Variants in FLNC observed in about 807,000 individuals in gnomAD.
The protein encoded by FLNC is filamin C.
In FLNC, 91 loss-of-function variants were observed where a neutral mutation model predicts 254.3. The ratio of observed to expected loss-of-function variants is 0.36; its 90% CI spans 0.30 to 0.43. The LOEUF (loss-of-function observed/expected upper bound fraction) is 0.43. Among genes scored for constraint, FLNC ranks in the 20% least tolerant of loss-of-function variants. The pLI, the probability that FLNC is intolerant of heterozygous loss-of-function variation, is 1.00. For synonymous variants in FLNC, 1,430 were observed against 1,577.2 expected (o/e 0.91, Z 2.21); for missense variants, 2,853 against 3,802.6 (o/e 0.75, Z 6.57).
chr7:128,851,193 C>T (rs1808795173), intron 33 of FLNC, 39 bp from the exon 34 acceptor site: 2 of 1,613,526 alleles, frequency 1.2e-6, no homozygotes, highest in Non-Finnish European at 1.7e-6. Context: ...CAGATAATCC[C>T]TGATGCTGAC....
At chr7:128,850,595 AC>A in intron 32 of FLNC, 112 bp downstream of exon 32, 1 of 1,188,886 alleles carries the variant, frequency 8.4e-7, no homozygotes, top group Non-Finnish European at 1.2e-6. Flanking sequence ...AGTGAGCTCT[AC>A]CCAGGGTCAC....
At position 128,846,095 on chromosome 7, in the gene FLNC, A is replaced by AGACAGACACCTATGT. The variant is rs756167665; in HGVS notation, c.3905_3919dup (p.Thr1302_Asp1306dup). 6.2e-7 allele frequency: 1 copy of AGACAGACACCTATGT among 1,614,018 alleles called. No homozygotes were observed. Among genetic ancestry groups the AGACAGACACCTATGT allele is most frequent in the East Asian group, 2.2e-5 (1 of 44,884 alleles). Reference sequence around the variant, plus strand: ...CGTGTGCTCAACCCCTCGGGGGCCAAGACAGACACCTATGTGACAGACAAT... The same window carrying AGACAGACACCTATGT: ...CGTGTGCTCAACCCCTCGGGGGCCAAGACAGACACCTATGTGACAGACACCTATGTGACAGACAAT... On this transcript the variant is annotated inframe_insertion, in exon 22 of 48. Transcript: ENST00000325888.
chr7:128,846,953 C>T, intron 24 of FLNC, 48 bp downstream of exon 24: 1 of 1,604,330 alleles, frequency 6.2e-7, no homozygotes, highest in Non-Finnish European at 8.5e-7. Context: ...AGGGAGGGTG[C>T]AGGATGCTCG....
chr7:128,851,043 G>T, intron 33 of FLNC, 100 bp downstream of exon 33: 1 of 1,538,876 alleles, frequency 6.5e-7, no homozygotes, highest in South Asian at 1.1e-5. Flanking sequence ...TTGAGCACCC[G>T]CTGTGTGCAG....
chr7:128,838,578 T>A, intron 7 of FLNC, 25 bp from the exon 8 acceptor site: 1 of 1,612,258 alleles, frequency 6.2e-7, no homozygotes, highest in Non-Finnish European at 8.5e-7. Context: ...TCCAGAGTGG[T>A]GCTGACAGCC....
rs1043618669 is a variant in FLNC at position 128,854,202 on chromosome 7, C to A, written c.6713C>A (p.Thr2238Asn). 6.2e-7 allele frequency: 1 copy of A among 1,607,692 alleles called. No individual in the cohort carries two copies. The highest frequency in any genetic ancestry group is 1.1e-5 in the South Asian group (1 of 90,900). Residue 2238 changes from threonine (T) to asparagine (N), a missense_variant, in exon 40 of 48, where the codon ACC (threonine) becomes AAC (asparagine). By Grantham distance (65) the Thr-to-Asn change is moderately conservative. This residue lies in a region of FLNC where 551 missense variants were observed against 835.0 expected (regional missense o/e 0.66). Transcript: ENST00000325888. ...RERLGSFGSI[T>N]RQQEGEASSQ... ...CGCCTGGGATCCTTCGGCAGCATCA[C>A]CCGGCAGCAGGAGGGTGAGCACCGC...
rs754292700 is a variant in FLNC at position 128,836,211 on chromosome 7, G to A, written c.601+637G>A. Among the ~76,000 whole-genome samples, 11 of 152,184 alleles carry A rather than the reference G, an allele frequency of 7.2e-5. No individual in the cohort carries two copies. The highest frequency in any genetic ancestry group is 1.3e-4 in the Admixed American group (2 of 15,284). ...AAGCTGAGGCATCACTGGCTAGAGC[G>A]TACCCCATGGACAGCTCCCTTTCTG... On this transcript the variant is annotated intron_variant, in intron 2 of 47. Transcript: ENST00000325888. The surrounding 1 kb of genome is among the most constrained non-coding windows in gnomAD (Gnocchi z 6.0).
chr7:128,851,066 G>A, intron 33 of FLNC, 123 bp downstream of exon 33: 1 of 1,511,208 alleles, frequency 6.6e-7, no homozygotes. Context: ...ACCAGGCGAG[G>A]CCCCAGGGAG....
intron 35 of FLNC, 112 bp from the exon 36 acceptor site, chr7:128,852,479 G>GC (rs975423124): frequency 1.6e-6 from 2 of 1,243,916 alleles, no homozygotes; most frequent in Non-Finnish European, 1.2e-6. Context: ...CCTGGGAGTG[G>GC]CCCCCCGTGT....
At position 128,844,087 on chromosome 7, in the gene FLNC, T is replaced by C; in HGVS notation, c.3013T>C (p.Ser1005Pro). The C allele has an allele frequency of 1.2e-6, 2 of 1,613,894 alleles. No homozygotes were observed. Among genetic ancestry groups the C allele is most frequent in the Non-Finnish European group, 1.7e-6 (2 of 1,180,018 alleles). Reference sequence around the variant, plus strand: ...GGGCCAACTGGATGTGCGGATGACTTCGCCCTCTCGCCGGCCCATCCCCTG... The same window carrying C: ...GGGCCAACTGGATGTGCGGATGACTCCGCCCTCTCGCCGGCCCATCCCCTG... ...GQGQLDVRMTSPSRRPIPCKL... is the reference protein window; with the variant it reads ...GQGQLDVRMTPPSRRPIPCKL... The change falls in exon 20 of 48, where the codon TCG becomes CCG. Residue 1005 changes from serine (S) to proline (P), a missense_variant. Coordinates refer to ENST00000325888, the MANE Select transcript of FLNC (RefSeq NM_001458.5).
chr7:128,848,039 C>T lies in FLNC; in HGVS notation c.4551C>T (p.Val1517=), dbSNP rs1222068888. 1 of 1,606,668 alleles carries T rather than the reference C, an allele frequency of 6.2e-7. No homozygotes were observed. The highest frequency in any genetic ancestry group is 2.2e-5 in the East Asian group (1 of 44,454). Residue 1517 remains valine, a synonymous_variant, in exon 26 of 48, where the codon GTC becomes GTT. Coordinates refer to ENST00000325888, the MANE Select transcript of FLNC (RefSeq NM_001458.5). ...CTGACGGGCCCTACACGGTAGCCGT[C>T]AAGTATGCTGACCAGGAGGTGCCAC... ...PATDGPYTVA[V]KYADQEVPRS... is the part of the protein sequence containing the mutation.
chr7:128,842,618 A>G lies in FLNC; in HGVS notation c.2309A>G (p.Tyr770Cys). ...EGSHPERVKV[Y>C]GPGVEKTGLK... is the part of the protein sequence containing the mutation. ...AGCCACCCCGAGCGGGTAAAGGTGT[A>G]CGGCCCCGGAGTGGAGAAGACAGGC... Residue 770 changes from tyrosine to cysteine, a missense_variant, in exon 15 of 48, where the codon TAC becomes TGC. Physicochemically the swap from Tyr to Cys is radical, Grantham distance 194. This residue lies in a region of FLNC where 1,573 missense variants were observed against 1,883.5 expected (regional missense o/e 0.84). Transcript: ENST00000325888. This position sits in a 1 kb window ranked among gnomAD's most constrained non-coding sequence, Gnocchi z 5.4. 6.5e-7 allele frequency: 1 copy of G among 1,550,198 alleles called. No individual in the cohort carries two copies. The highest frequency in any genetic ancestry group is 8.7e-7 in the Non-Finnish European group (1 of 1,147,072).
Position 128,854,585 on chromosome 7 carries a change from C to T in FLNC, c.6900C>T (p.Ser2300=). ...VKYRGQHVPG[S]PFQFTVGPLG... is the part of the protein sequence containing the mutation. The stretch of plus-strand genomic sequence containing the variant: ...ACCGTGGCCAGCACGTGCCCGGCAG[C>T]CCCTTTCAGTTCACTGTGGGGCCGC... The change falls in exon 41 of 48, where the codon AGC becomes AGT. Residue 2300 remains serine, a synonymous_variant. Transcript: ENST00000325888. 6.2e-7 allele frequency: 1 copy of T among 1,610,062 alleles called. No individual in the cohort carries two copies. Among genetic ancestry groups the T allele is most frequent in the Non-Finnish European group, 8.5e-7 (1 of 1,178,658 alleles).
rs777199447 is a variant in FLNC, at chr7:128,838,427, C to A, written c.1208C>A (p.Ala403Glu). 2.0e-6 allele frequency: 3 copies of A among 1,536,222 alleles called. No homozygotes were observed. The African/African-American group carries it at 4.2e-5, about 22-fold the overall frequency. ...CCCACCTACTTTGACATCTACACTG[C>A]GGGTAGGACGGGCCCCAGGGGGTGC... Reference protein sequence around the residue: ...NKPTYFDIYTAGAGTGDVAVV... With the variant: ...NKPTYFDIYTEGAGTGDVAVV... Residue 403 changes from alanine to glutamate, a missense_variant and splice_region_variant, in exon 7 of 48, where the codon GCG (alanine) becomes GAG (glutamate). Ala to Glu is a moderately radical substitution (Grantham distance 107, BLOSUM62 -1). Transcript: ENST00000325888.
In FLNC at chr7:128,846,303, G is replaced by T. The variant is rs771676134; in HGVS notation, c.3967G>T (p.Val1323Leu). Residue 1323 changes from valine to leucine, a missense_variant and splice_region_variant, in exon 23 of 48, where the codon GTG becomes TTG. Val to Leu is a conservative substitution (Grantham distance 32). Transcript: ENST00000325888. ...ATGCCCCTGTGGCTGGCTTCCAGGC[G>T]TGCATCTGGTGGAGGTCCTGTATGA... The part of the protein sequence containing the change: ...RVQYTAYEEG[V>L]HLVEVLYDEV... The T allele has an allele frequency of 5.0e-6, 8 of 1,613,704 alleles. No individual in the cohort carries two copies. Among genetic ancestry groups the T allele is most frequent in the Non-Finnish European group, 6.8e-6 (8 of 1,179,972 alleles).
intron 32 of FLNC, 25 bp from the exon 33 acceptor site, chr7:128,850,778 C>G (rs759430781): frequency 6.2e-7 from 1 of 1,613,568 alleles, no homozygotes; most frequent in South Asian, 1.1e-5. Context: ...ACCAGGGTCT[C>G]CACGTAACTG....
At chr7:128,847,469 T>C (rs572042738) in intron 24 of FLNC, among the ~76,000 whole-genome samples, 19 of 152,372 alleles carry the variant, frequency 1.2e-4, no homozygotes, top group African/African-American at 4.6e-4. Context: ...GGCCTTCTCT[T>C]CCAGGCCTGG....
At position 128,842,726 on chromosome 7, in the gene FLNC, GGGA is replaced by G; in HGVS notation, c.2389+31_2389+33del. The G allele has an allele frequency of 6.3e-7, 1 of 1,575,326 alleles. No homozygotes were observed. Among genetic ancestry groups the G allele is most frequent in the Non-Finnish European group, 8.6e-7 (1 of 1,160,316 alleles). Reference sequence around the variant, plus strand: ...GCGCCCAGCCGGAAGGGGTGGGTCTGGGAGGGGGCGGGGGTGAGTCGAGTCGGG... The same window carrying G: ...GCGCCCAGCCGGAAGGGGTGGGTCTGGGGGGCGGGGGTGAGTCGAGTCGGG... On this transcript the variant is annotated intron_variant, in intron 15 of 47. Transcript: ENST00000325888. This position sits in a 1 kb window ranked among gnomAD's most constrained non-coding sequence, Gnocchi z 5.4.
In FLNC at chr7:128,858,894, A is replaced by G. The variant is rs1809187021; in HGVS notation, c.*371A>G. On this transcript the variant is annotated 3_prime_UTR_variant, in exon 48 of 48. Coordinates refer to ENST00000325888, the MANE Select transcript of FLNC (RefSeq NM_001458.5). The surrounding 1 kb of genome is among the most constrained non-coding windows in gnomAD (Gnocchi z 6.7). The stretch of plus-strand genomic sequence containing the variant: ...GTTGTGGGTGTCTGTGTGTGAGGTC[A>G]CCCTCAAACTGCACCGCCGGCCAGA... The G allele has an allele frequency of 3.3e-6, 1 of 304,976 alleles. No homozygotes were observed. The highest frequency in any genetic ancestry group is 2.1e-5 in the African/African-American group (1 of 46,946). 18.9% of individuals were successfully genotyped at this position (304,976 alleles called of 1,614,324 possible).
Sources: allele counts gnomAD v4.1 joint callset (sites outside exome capture counted in the v4.1 genomes callset), GRCh38; gene constraint gnomAD v4.1.1; regional missense constraint gnomAD v4.1.1; non-coding constraint Gnocchi (gnomAD v3.1); transcripts MANE v1.5; gene names NCBI Gene and HGNC (gene_info 2026-07-23, HGNC 2026-07-21).